TRIM44: variants seen among roughly 807,000 people sequenced by gnomAD.
TRIM44 encodes the protein tripartite motif containing 44, also known as tripartite motif-containing protein 44.
A neutral mutation model predicts 37.4 loss-of-function variants in TRIM44; 13 were observed. That is an observed-to-expected ratio of 0.35 (90% CI 0.23 to 0.55). The LOEUF (loss-of-function observed/expected upper bound fraction) is 0.55. Ranked by LOEUF, TRIM44 falls within the 20% of genes least tolerant of loss-of-function variation. The pLI, the probability that TRIM44 is intolerant of heterozygous loss-of-function variation, is 0.89. For missense variants in TRIM44, 426 were observed against 437.2 expected (o/e 0.97, Z 0.23); for synonymous variants, 175 against 157.2 (o/e 1.11, Z -0.85).
rs1364087848 is a variant in TRIM44, at chr11:35,810,523, T to C, written c.*4138T>C. 6.6e-6 allele frequency: 1 copy of C among 152,086 alleles called. No individual in the cohort carries two copies. The highest frequency in any genetic ancestry group is 1.5e-5 in the Non-Finnish European group (1 of 68,008). The allele number at this position is 152,086 out of a possible 1,614,324, so 9.4% of individuals were successfully genotyped here. A position where few individuals can be genotyped will look rare whatever the true frequency, so the allele number is the denominator to read the frequency against. ...CTACCCTGTCCCATTCCAGAAACCA[T>C]AAGACTCAGGCAGTTCTTGATTCTG... On this transcript the variant is annotated 3_prime_UTR_variant, in exon 5 of 5. Transcript: ENST00000299413.
rs112867292 is a variant in TRIM44 at position 35,665,605 on chromosome 11, T to C, written c.669+1825T>C. ...ATATCTGTTTTTTTTTTTTTTTTTT[T>C]TTTTTTTGAGATAGAGTCTTGCTCT... On this transcript the variant is annotated intron_variant, in intron 1 of 4. Transcript: ENST00000299413. Among the ~76,000 whole-genome samples the C allele has an allele frequency of 5.8e-5, 8 of 137,346 alleles. No individual in the cohort carries two copies. The East Asian group carries it at 1.6e-3, about 27-fold the overall frequency. The allele number at this position is 137,346 out of a possible 152,430, so 90.1% of individuals were successfully genotyped here.
intron 2 of TRIM44, among the ~76,000 whole-genome samples, chr11:35,690,039 T>C (rs531143257): frequency 2.6e-5 from 4 of 152,316 alleles, no homozygotes; most frequent in Non-Finnish European, 5.9e-5. Context: ...AAAAGAAGCA[T>C]CTTAAAACTT....
At chr11:35,735,403 G>A (rs1270892065) in intron 3 of TRIM44, 23 bp from the exon 4 acceptor site, 4 of 1,613,328 alleles carry the variant, frequency 2.5e-6, no homozygotes, top group Non-Finnish European at 1.7e-6. Context: ...TTCTAATACT[G>A]TTTCTTTCTG....
chr11:35,777,178 C>A (rs1201932591), intron 4 of TRIM44, among the ~76,000 whole-genome samples: 1 of 152,198 alleles, frequency 6.6e-6, no homozygotes, highest in Non-Finnish European at 1.5e-5. Flanking sequence ...GTTAGCTCTT[C>A]TTGTTGAATT....
At chr11:35,711,377 A>G (rs952475824) in intron 2 of TRIM44, among the ~76,000 whole-genome samples, 2 of 152,058 alleles carry the variant, frequency 1.3e-5, no homozygotes, top group African/African-American at 4.8e-5. Context: ...GTATACTACA[A>G]TTATTAAAAG....
At chr11:35,750,533 C>T (rs1208725890) in intron 4 of TRIM44, among the ~76,000 whole-genome samples, 1 of 152,150 alleles carries the variant, frequency 6.6e-6, no homozygotes, top group East Asian at 1.9e-4. Flanking sequence ...TTTGAGCAGC[C>T]TTGTGATAAT....
chr11:35,717,427 G>C (rs116580852), intron 2 of TRIM44, among the ~76,000 whole-genome samples: 1,945 of 152,076 alleles, frequency 0.013, 45 homozygotes, highest in African/African-American at 0.044. Flanking sequence ...GTAGAAGTCA[G>C]CTCCCTGTGA....
intron 2 of TRIM44, among the ~76,000 whole-genome samples, chr11:35,706,596 G>A (rs530767541): frequency 6.6e-6 from 1 of 152,310 alleles, no homozygotes; most frequent in South Asian, 2.1e-4. Context: ...TGGGAAGCAA[G>A]GCTGGTTCAA....
At chr11:35,796,655 G>T (rs1226044748) in intron 4 of TRIM44, among the ~76,000 whole-genome samples, 1 of 152,126 alleles carries the variant, frequency 6.6e-6, no homozygotes, top group African/African-American at 2.4e-5. Context: ...GTTCCTTTCA[G>T]ACCTCATCAC....
rs138240135 is a variant in TRIM44 at position 35,729,207 on chromosome 11, A to G, written c.987+3044A>G. 1.9e-3 allele frequency among the ~76,000 whole-genome samples: 285 copies of G among 152,254 alleles called. 2 individuals are homozygous for G. The highest frequency in any genetic ancestry group is 6.6e-3 in the African/African-American group (274 of 41,548). ...TACCCAAGAAAAGCCTGCTTCTGGA[A>G]GCAAACATCATGAAAAAAGTGGCAC... On this transcript the variant is annotated intron_variant, in intron 3 of 4. Transcript: ENST00000299413.
intron 2 of TRIM44, among the ~76,000 whole-genome samples, chr11:35,688,820 A>G (rs1279314237): frequency 6.6e-6 from 1 of 152,202 alleles, no homozygotes; most frequent in Non-Finnish European, 1.5e-5. Context: ...ATTTCTATGA[A>G]ATTATCAGGT....
At chr11:35,742,264 A>G (rs1852407009) in intron 4 of TRIM44, among the ~76,000 whole-genome samples, 1 of 151,436 alleles carries the variant, frequency 6.6e-6, no homozygotes, top group Non-Finnish European at 1.5e-5. Flanking sequence ...TTTTATATTT[A>G]AGTGCAGTGT....
chr11:35,775,998 G>T (rs144597814), intron 4 of TRIM44, among the ~76,000 whole-genome samples: 2 of 152,198 alleles, frequency 1.3e-5, no homozygotes, highest in Non-Finnish European at 1.5e-5. Flanking sequence ...ATGAGTTAGA[G>T]AGGATTCCCT....
chr11:35,697,190 A>G (rs1295432383), intron 2 of TRIM44, among the ~76,000 whole-genome samples: 1 of 145,080 alleles, frequency 6.9e-6, no homozygotes, highest in African/African-American at 2.5e-5. Context: ...CATTAGGTAT[A>G]TCTCCTAATG....
intron 3 of TRIM44, among the ~76,000 whole-genome samples, chr11:35,734,509 T>G (rs1318268714): frequency 6.6e-6 from 1 of 152,178 alleles, no homozygotes; most frequent in African/African-American, 2.4e-5. Context: ...CATTCATTCA[T>G]TCATTCTCCG....
intron 4 of TRIM44, among the ~76,000 whole-genome samples, chr11:35,757,338 C>T (rs1852659074): frequency 6.6e-6 from 1 of 152,264 alleles, no homozygotes; most frequent in Non-Finnish European, 1.5e-5. Context: ...TCTGTGGGAT[C>T]TGTGGTGATA....
intron 3 of TRIM44, 140 bp from the exon 4 acceptor site, chr11:35,735,286 A>ATATC (rs1194238895): frequency 1.7e-5 from 13 of 769,602 alleles, no homozygotes; most frequent in Non-Finnish European, 2.7e-5. Context: ...TAGCCTTTAG[A>ATATC]TGTCTGTTGG....
chr11:35,712,248 A>G (rs915058848), intron 2 of TRIM44, among the ~76,000 whole-genome samples: 1 of 152,192 alleles, frequency 6.6e-6, no homozygotes, highest in Non-Finnish European at 1.5e-5. Context: ...CATTGAAGCA[A>G]GTATGTTTAT....
chr11:35,756,131 G>A (rs376682142), intron 4 of TRIM44, among the ~76,000 whole-genome samples: 118 of 152,008 alleles, frequency 7.8e-4, no homozygotes, highest in African/African-American at 2.7e-3. Flanking sequence ...TTCTTCCTAC[G>A]CATGAGCATG....
Sources: gnomAD v4.1 joint callset for allele counts (sites outside exome capture counted in the v4.1 genomes callset) on GRCh38, gnomAD v4.1.1 for gene constraint, MANE v1.5 for transcripts, NCBI Gene and HGNC (gene_info 2026-07-23, HGNC 2026-07-21) for gene names.